The following FKBP5 variants were observed in gnomAD, a reference collection of about 807,000 sequenced individuals.
FKBP5 encodes FKBP prolyl isomerase 5, also known as peptidyl-prolyl cis-trans isomerase FKBP5.
In FKBP5, 23 loss-of-function variants were observed where a neutral mutation model predicts 50.5. The ratio of observed to expected loss-of-function variants is 0.46; its 90% CI spans 0.33 to 0.65. FKBP5 has a LOEUF of 0.65. Among genes scored for constraint, FKBP5 ranks in the 30% least tolerant of loss-of-function variants. The pLI, the probability that FKBP5 is intolerant of heterozygous loss-of-function variation, is 0.02. For missense variants in FKBP5, 411 were observed against 553.1 expected (o/e 0.74, Z 2.58); for synonymous variants, 176 against 190.6 (o/e 0.92, Z 0.63).
At chr6:35,686,793 A>C (rs891404156) in intron 1 of FKBP5, among the ~76,000 whole-genome samples, 1 of 152,008 alleles carries the variant, frequency 6.6e-6, no homozygotes, top group Non-Finnish European at 1.5e-5. Flanking sequence ...AGATAACTAA[A>C]GATTTAATAA....
At chr6:35,608,546 T>G (rs2150970708) in intron 5 of FKBP5, among the ~76,000 whole-genome samples, 1 of 152,110 alleles carries the variant, frequency 6.6e-6, no homozygotes, top group African/African-American at 2.4e-5. Flanking sequence ...ATAAAAAAAG[T>G]TAGCTGGGTG....
At chr6:35,683,858 C>T (rs1765750230) in intron 1 of FKBP5, among the ~76,000 whole-genome samples, 1 of 151,882 alleles carries the variant, frequency 6.6e-6, no homozygotes, top group Non-Finnish European at 1.5e-5. Flanking sequence ...TTAAGACCAG[C>T]CTGGCCCTGG....
Position 35,645,308 on chromosome 6 carries a change from A to G in FKBP5, c.-19-2465T>C, listed in dbSNP as rs114283251. Among the ~76,000 whole-genome samples the G allele has an allele frequency of 3.9e-3, 595 of 152,366 alleles. 5 individuals carry two copies. The highest frequency in any genetic ancestry group is 0.011 in the African/African-American group (471 of 41,590). ...AACCAAAAAGGTGGCGTGCACCTGT[A>G]GTCCCAACTACTCAGGTGGCTGAGA... On this transcript the variant is annotated intron_variant, in intron 1 of 10. Coordinates refer to ENST00000357266, the MANE Select transcript of FKBP5 (RefSeq NM_004117.4).
chr6:35,725,147 T>C (rs940213486), intron 1 of FKBP5, among the ~76,000 whole-genome samples: 3 of 152,182 alleles, frequency 2.0e-5, no homozygotes, highest in African/African-American at 4.8e-5. Flanking sequence ...GAGATTAAAC[T>C]GGTCACAACT....
At chr6:35,693,773 G>A (rs1581890902), upstream of FKBP5, among the ~76,000 whole-genome samples, 2 of 151,792 alleles carry the variant, frequency 1.3e-5, no homozygotes, top group Non-Finnish European at 2.9e-5. Context: ...CGCCCGCCTC[G>A]GCCTCCCAAA....
At chr6:35,618,701 T>C (rs535421526) in intron 5 of FKBP5, among the ~76,000 whole-genome samples, 9 of 151,810 alleles carry the variant, frequency 5.9e-5, no homozygotes, top group Non-Finnish European at 1.2e-4. Context: ...ATATATTCAA[T>C]ACTTTTTTTT....
intron 7 of FKBP5, among the ~76,000 whole-genome samples, chr6:35,588,150 G>A (rs1025158721): frequency 1.3e-5 from 2 of 150,692 alleles, no homozygotes; most frequent in Non-Finnish European, 3.0e-5. Flanking sequence ...CTCAGCCTCC[G>A]GAGTAGCTGG....
intron 2 of FKBP5, among the ~76,000 whole-genome samples, chr6:35,694,442 C>T (rs939917393): frequency 9.9e-5 from 15 of 152,206 alleles, no homozygotes; most frequent in African/African-American, 3.4e-4. Context: ...CCACCACTCC[C>T]TGCCCCATTA....
chr6:35,637,234 C>T (rs1275291177), intron 2 of FKBP5, 76 bp from the exon 3 acceptor site: 6 of 1,330,208 alleles, frequency 4.5e-6, no homozygotes, highest in African/African-American at 2.9e-5. Flanking sequence ...GTCACACAGT[C>T]CATCCCAAGA....
intron 1 of FKBP5, among the ~76,000 whole-genome samples, chr6:35,664,041 A>G (rs1011936512): frequency 4.6e-5 from 7 of 152,126 alleles, no homozygotes; most frequent in African/African-American, 1.4e-4. Context: ...CACTCTAACT[A>G]TTTTACATAC....
At chr6:35,676,901 T>C (rs1160814077) in intron 1 of FKBP5, among the ~76,000 whole-genome samples, 3 of 152,202 alleles carry the variant, frequency 2.0e-5, no homozygotes, top group Non-Finnish European at 4.4e-5. Context: ...CAACTGCTAG[T>C]GGGAAGAACA....
chr6:35,685,491 ACTAATC>A (rs1291360839), intron 1 of FKBP5, among the ~76,000 whole-genome samples: 2 of 142,022 alleles, frequency 1.4e-5, no homozygotes, highest in Admixed American at 6.7e-5. Context: ...AACAAAATCT[ACTAATC>A]AGCTAAGTTG....
chr6:35,720,138 G>A (rs1766586125), intron 2 of FKBP5, among the ~76,000 whole-genome samples: 2 of 152,206 alleles, frequency 1.3e-5, no homozygotes, highest in African/African-American at 4.8e-5. Flanking sequence ...AGCTGCAGCT[G>A]GTCTTCCGGG....
Position 35,573,730 on chromosome 6 carries a change from C to T in FKBP5, c.*2105G>A, listed in dbSNP as rs557531236. On this transcript the variant is annotated 3_prime_UTR_variant, in exon 11 of 11. Coordinates refer to ENST00000357266, the MANE Select transcript of FKBP5 (RefSeq NM_004117.4). ...AGCCTAAAAGGTGGTTGAAAGATGT[C>T]TGTGGACTTCTACACAAATTGTTTA... 98 of 152,122 alleles carry T rather than the reference C, an allele frequency of 6.4e-4. No homozygotes were observed. The highest frequency in any genetic ancestry group is 2.3e-3 in the African/African-American group (96 of 41,502). The allele number at this position is 152,122 out of a possible 1,614,324, so 9.4% of individuals were successfully genotyped here.
At chr6:35,672,973 T>C (rs1490616651) in intron 1 of FKBP5, among the ~76,000 whole-genome samples, 2 of 151,894 alleles carry the variant, frequency 1.3e-5, no homozygotes, top group East Asian at 1.9e-4. Context: ...ATGCAAATGT[T>C]CAAAATGCAG....
intron 1 of FKBP5, among the ~76,000 whole-genome samples, chr6:35,649,055 T>C (rs759637985): frequency 1.2e-4 from 18 of 151,924 alleles, no homozygotes; most frequent in Non-Finnish European, 2.5e-4. Flanking sequence ...ATCGAGACCA[T>C]CCTGGCTAAT....
intron 5 of FKBP5, among the ~76,000 whole-genome samples, chr6:35,604,014 G>T (rs116566269): frequency 0.012 from 1,753 of 150,118 alleles, 32 homozygotes; most frequent in African/African-American, 0.038. Context: ...CCTCTTTATT[G>T]TTTTTGTTTT....
intron 1 of FKBP5, among the ~76,000 whole-genome samples, chr6:35,658,361 G>A (rs553268492): frequency 5.3e-5 from 8 of 149,706 alleles, no homozygotes; most frequent in East Asian, 2.0e-4. Flanking sequence ...GGGCGACTCC[G>A]TCTTTTTTTG....
intron 1 of FKBP5, among the ~76,000 whole-genome samples, chr6:35,662,899 G>T (rs1561882987): frequency 6.6e-6 from 1 of 152,128 alleles, no homozygotes; most frequent in Non-Finnish European, 1.5e-5. Flanking sequence ...TTAGCCCAAG[G>T]ATTTTTTGTG....
Sources: gnomAD v4.1 joint callset for allele counts (sites outside exome capture counted in the v4.1 genomes callset) on GRCh38, gnomAD v4.1.1 for gene constraint, MANE v1.5 for transcripts, NCBI Gene and HGNC (gene_info 2026-07-23, HGNC 2026-07-21) for gene names.